LARP7: variants seen among roughly 807,000 people sequenced by gnomAD.
LARP7 encodes La ribonucleoprotein 7, transcriptional regulator.
Under a neutral mutation model 69.3 loss-of-function variants are expected in LARP7, and 52 were observed. The ratio of observed to expected loss-of-function variants is 0.75; its 90% CI spans 0.60 to 0.95. The LOEUF (loss-of-function observed/expected upper bound fraction) is 0.95, where lower values mean the gene tolerates loss of function less well. LARP7 is among the 40% of genes least tolerant of loss of function. LARP7 has a pLI of 0.00. For synonymous variants in LARP7, 254 were observed against 215.9 expected (o/e 1.18, Z -1.55); for missense variants, 733 against 673.0 (o/e 1.09, Z -0.99).
At chr4:112,649,772 A>G (rs2048623403) in intron 9 of LARP7, 86 bp downstream of exon 9, 4 of 914,546 alleles carry the variant, frequency 4.4e-6, no homozygotes, top group Non-Finnish European at 6.1e-6. Context: ...ATAAATTTTA[A>G]TTTTAAAAAA....
chr4:112,648,822 G>T, intron 8 of LARP7: 1 of 213,396 alleles, frequency 4.7e-6, no homozygotes. Context: ...AGCTCTCAGG[G>T]AATGTATGAT....
At chr4:112,643,569 T>C (rs2048041864) in intron 1 of LARP7, among the ~76,000 whole-genome samples, 1 of 152,154 alleles carries the variant, frequency 6.6e-6, no homozygotes, top group South Asian at 2.1e-4. Context: ...GATTTATGGC[T>C]GGGCGCGGTG....
chr4:112,651,234 C>G (rs1474479581), intron 10 of LARP7, among the ~76,000 whole-genome samples: 1 of 152,164 alleles, frequency 6.6e-6, no homozygotes, highest in Non-Finnish European at 1.5e-5. Context: ...TACTGACATT[C>G]ATCATCACTT....
At position 112,653,253 on chromosome 4, in the gene LARP7, G is replaced by T. The variant is rs35865138; in HGVS notation, c.1576+17G>T. ...TCCTTTCTGGTAAAACTTCATAGAC[G>T]TTTCCTTTTTTTTTTGTTATCATCC... On this transcript the variant is annotated intron_variant, in intron 11 of 12. Coordinates refer to ENST00000344442, the MANE Select transcript of LARP7 (RefSeq NM_016648.4). The T allele has an allele frequency of 8.4e-6, 13 of 1,540,624 alleles. No homozygotes were observed. Among genetic ancestry groups the T allele is most frequent in the Middle Eastern group, 1.8e-4 (1 of 5,448 alleles).
rs758053064 is a variant in LARP7 at position 112,648,325 on chromosome 4, A to T, written c.1142+491A>T. ...TAGTAACCTTAAAACACAATAACAA[A>T]AAAATTTTGTAACAAAAGGTGTGCT... On this transcript the variant is annotated intron_variant, in intron 8 of 12. Coordinates refer to ENST00000344442, the MANE Select transcript of LARP7 (RefSeq NM_016648.4). 12 of 529,406 alleles carry T rather than the reference A, an allele frequency of 2.3e-5. No individual in the cohort carries two copies. In the Admixed American group the frequency reaches 2.4e-4, roughly 10 times the overall value. The allele number at this position is 529,406 out of a possible 1,614,324, so 32.8% of individuals were successfully genotyped here.
Position 112,647,276 on chromosome 4 carries a change from G to GAC in LARP7, c.728_729dup (p.Ser244GlnfsTer9), listed in dbSNP as rs1285602098. 2.2e-5 allele frequency: 35 copies of GAC among 1,613,286 alleles called. No homozygotes were observed. The highest frequency in any genetic ancestry group is 2.9e-5 in the Non-Finnish European group (34 of 1,179,928). ...TATCCAAGCCAAAGAAGAAAACATG[G>GAC]ACACAAGCAACACCAGCATCAGTAA... On this transcript the variant is annotated frameshift_variant, in exon 7 of 13. Coordinates refer to ENST00000344442, the MANE Select transcript of LARP7 (RefSeq NM_016648.4). LOFTEE classifies it high-confidence loss of function.
intron 8 of LARP7, chr4:112,648,434 T>TCCC: frequency 1.9e-6 from 1 of 534,592 alleles, no homozygotes; most frequent in South Asian, 1.4e-5. Context: ...GCAAAGGGGA[T>TCCC]CCCTTCAAAT....
chr4:112,651,209 T>G (rs1250894009), intron 10 of LARP7, among the ~76,000 whole-genome samples: 5 of 152,208 alleles, frequency 3.3e-5, no homozygotes, highest in African/African-American at 7.2e-5. Context: ...ACCACATATT[T>G]TAAGTATTTT....
At chr4:112,656,476 A>G (rs2048959458) in intron 12 of LARP7, among the ~76,000 whole-genome samples, 1 of 152,164 alleles carries the variant, frequency 6.6e-6, no homozygotes, top group Non-Finnish European at 1.5e-5. Flanking sequence ...AAGAAGATGA[A>G]GGAAAGGTCT....
chr4:112,644,608 TTAAC>T (rs2048092279), intron 1 of LARP7, 56 bp from the exon 2 acceptor site: 1 of 1,284,812 alleles, frequency 7.8e-7, no homozygotes, highest in Non-Finnish European at 1.1e-6. Context: ...ATCTAAATAT[TTAAC>T]TATATTAGCT....
intron 1 of LARP7, among the ~76,000 whole-genome samples, chr4:112,641,544 A>G (rs1187782233): frequency 6.6e-6 from 1 of 152,260 alleles, no homozygotes; most frequent in Non-Finnish European, 1.5e-5. Context: ...GTAGTTGTTC[A>G]GACAACGCAG....
chr4:112,654,198 C>T, intron 12 of LARP7, 39 bp downstream of exon 12: 1 of 1,426,050 alleles, frequency 7.0e-7, no homozygotes, highest in Non-Finnish European at 9.9e-7. Flanking sequence ...CTAAACTTTC[C>T]TTGAACGTTT....
intron 12 of LARP7, chr4:112,655,517 G>A (rs990115139): frequency 2.6e-5 from 4 of 152,168 alleles, no homozygotes; most frequent in Admixed American, 2.6e-4. Context: ...GAAAGTAAGT[G>A]CTGTGCAAAG....
intron 1 of LARP7, among the ~76,000 whole-genome samples, chr4:112,643,128 C>G (rs539330271): frequency 6.6e-6 from 1 of 152,310 alleles, no homozygotes; most frequent in East Asian, 1.9e-4. Flanking sequence ...ACAAAAATCT[C>G]TGATTTCATT....
chr4:112,646,046 C>T (rs779095835), intron 2 of LARP7, among the ~76,000 whole-genome samples: 1 of 151,842 alleles, frequency 6.6e-6, no homozygotes, highest in Non-Finnish European at 1.5e-5. Flanking sequence ...CTGGAGTGAT[C>T]TCAGCTCACT....
In LARP7 at chr4:112,647,274, T is replaced by C. The variant is rs752023817; in HGVS notation, c.722T>C (p.Met241Thr). The C allele has an allele frequency of 6.2e-7, 1 of 1,613,168 alleles. No homozygotes were observed. Among genetic ancestry groups the C allele is most frequent in the Admixed American group, 1.7e-5 (1 of 59,840 alleles). Residue 241 changes from methionine (M) to threonine (T), a missense_variant, in exon 7 of 13, where the codon ATG (methionine) becomes ACG (threonine). By Grantham distance (81) the Met-to-Thr change is moderately conservative (BLOSUM62 -1). Coordinates refer to ENST00000344442, the MANE Select transcript of LARP7 (RefSeq NM_016648.4). ...EDNIQAKEEN[M>T]DTSNTSISKM... ...AATATCCAAGCCAAAGAAGAAAACA[T>C]GGACACAAGCAACACCAGCATCAGT...
Position 112,650,536 on chromosome 4 carries a change from T to A in LARP7, c.1370T>A (p.Val457Glu), listed in dbSNP as rs1291740135. ...CCACAGTTCGTGAGTGGAGTGATTG[T>A]GAAGATCATTAGCACAGAGCCTCTA... ...TGPQFVSGVIVKIISTEPLPG... is the reference protein window; with the variant it reads ...TGPQFVSGVIEKIISTEPLPG... The change falls in exon 10 of 13, where the codon GTG becomes GAG. Residue 457 changes from valine (V) to glutamate (E), a missense_variant. Coordinates refer to ENST00000344442, the MANE Select transcript of LARP7 (RefSeq NM_016648.4). The A allele has an allele frequency of 6.2e-7, 1 of 1,613,814 alleles. No homozygotes were observed. The highest frequency in any genetic ancestry group is 8.5e-7 in the Non-Finnish European group (1 of 1,179,796).
At chr4:112,637,545 AAG>A (rs1426491986) in intron 1 of LARP7, 1 of 152,272 alleles carries the variant, frequency 6.6e-6, no homozygotes, top group Non-Finnish European at 1.5e-5. Flanking sequence ...GTAGTCAATA[AAG>A]AGAGTGCCGT....
At position 112,657,366 on chromosome 4, in the gene LARP7, C is replaced by T. The variant is rs745583257; in HGVS notation, c.*39C>T. ...TCACCTCTTAATACTTCACAAGATACTTGAGCTGTTCTTGGGAGATTCACT... is the reference window on the plus strand; with the variant it reads ...TCACCTCTTAATACTTCACAAGATATTTGAGCTGTTCTTGGGAGATTCACT... On this transcript the variant is annotated 3_prime_UTR_variant, in exon 13 of 13. Coordinates refer to ENST00000344442, the MANE Select transcript of LARP7 (RefSeq NM_016648.4). 2.7e-5 allele frequency: 29 copies of T among 1,082,148 alleles called. No individual in the cohort carries two copies. Among genetic ancestry groups the T allele is most frequent in the Non-Finnish European group, 2.0e-5 (15 of 749,184 alleles). The allele number at this position is 1,082,148 out of a possible 1,614,324, so 67.0% of individuals were successfully genotyped here.
Sources: gnomAD v4.1 joint callset for allele counts (sites outside exome capture counted in the v4.1 genomes callset) on GRCh38, gnomAD v4.1.1 for gene constraint, MANE v1.5 for transcripts, NCBI Gene and HGNC (gene_info 2026-07-23, HGNC 2026-07-21) for gene names.